The following GLCE variants were observed in gnomAD, a reference collection of about 807,000 sequenced individuals.
The protein encoded by GLCE is glucuronic acid epimerase.
A neutral mutation model predicts 47.9 loss-of-function variants in GLCE; 19 were observed. The observed-to-expected ratio is 0.40, with a 90% CI of 0.28 to 0.58. The LOEUF (loss-of-function observed/expected upper bound fraction) is 0.58. Among genes scored for constraint, GLCE ranks in the 20% least tolerant of loss-of-function variants. The pLI, the probability that GLCE is intolerant of heterozygous loss-of-function variation, is 0.48. For synonymous variants in GLCE, 245 were observed against 263.4 expected (o/e 0.93, Z 0.68); for missense variants, 556 against 743.3 (o/e 0.75, Z 2.93).
At chr15:69,166,599 G>A (rs1285381498) in intron 1 of GLCE, among the ~76,000 whole-genome samples, 3 of 152,150 alleles carry the variant, frequency 2.0e-5, no homozygotes, top group African/African-American at 4.8e-5. Flanking sequence ...TCTTTGTTAA[G>A]CTGGTTGTGA....
chr15:69,187,780 G>A (rs1056954848), intron 1 of GLCE, among the ~76,000 whole-genome samples: 2 of 151,890 alleles, frequency 1.3e-5, no homozygotes, highest in African/African-American at 2.4e-5. Context: ...ACACTACTTG[G>A]GGCCGGCCAT....
At chr15:69,243,023 C>T (rs918001608) in intron 2 of GLCE, among the ~76,000 whole-genome samples, 3 of 141,704 alleles carry the variant, frequency 2.1e-5, no homozygotes, top group Admixed American at 7.3e-5. Context: ...TGGCACTGCA[C>T]TCCAGCCTGG....
intron 1 of GLCE, among the ~76,000 whole-genome samples, chr15:69,182,750 A>G (rs2051768424): frequency 6.6e-6 from 1 of 152,134 alleles, no homozygotes. Context: ...ATCATGCCTC[A>G]TGTGTGTAAT....
chr15:69,231,857 A>G (rs1028984885), intron 2 of GLCE, among the ~76,000 whole-genome samples: 4 of 152,062 alleles, frequency 2.6e-5, no homozygotes, highest in African/African-American at 9.7e-5. Flanking sequence ...CAATGGCATG[A>G]TCTCTGCTCA....
chr15:69,212,606 T>G (rs1352851217), intron 2 of GLCE, among the ~76,000 whole-genome samples: 8 of 152,078 alleles, frequency 5.3e-5, no homozygotes, highest in Non-Finnish European at 8.8e-5. Context: ...AGGACCTGAA[T>G]GGACTTGATT....
chr15:69,218,032 T>C (rs548442080), intron 2 of GLCE, among the ~76,000 whole-genome samples: 21 of 150,580 alleles, frequency 1.4e-4, no homozygotes, highest in African/African-American at 4.9e-4. Context: ...TGCGCACCTG[T>C]AATCGCAGCT....
intron 2 of GLCE, among the ~76,000 whole-genome samples, chr15:69,241,685 C>G (rs577486864): frequency 6.6e-6 from 1 of 152,282 alleles, no homozygotes; most frequent in South Asian, 2.1e-4. Flanking sequence ...ATCTCCTGAC[C>G]AGAAGCATAG....
chr15:69,161,200 C>A (rs1483320276), intron 1 of GLCE, among the ~76,000 whole-genome samples: 1 of 151,792 alleles, frequency 6.6e-6, no homozygotes, highest in African/African-American at 2.4e-5. Flanking sequence ...AGGTTTACAC[C>A]GGTGTAAACC....
intron 1 of GLCE, among the ~76,000 whole-genome samples, chr15:69,188,813 T>G (rs2051870699): frequency 6.6e-6 from 1 of 152,214 alleles, no homozygotes; most frequent in Admixed American, 6.5e-5. Flanking sequence ...GTCTGGCTAG[T>G]GATTTATTAA....
At chr15:69,183,673 G>A (rs2051782298) in intron 1 of GLCE, among the ~76,000 whole-genome samples, 1 of 152,218 alleles carries the variant, frequency 6.6e-6, no homozygotes, top group South Asian at 2.1e-4. Context: ...TTAAAAACCT[G>A]CTGGTAACAA....
At chr15:69,233,802 T>G (rs1373805367) in intron 2 of GLCE, among the ~76,000 whole-genome samples, 1 of 152,184 alleles carries the variant, frequency 6.6e-6, no homozygotes, top group Middle Eastern at 3.2e-3. Context: ...ATTTGAAACC[T>G]AGAGTTTATT....
At chr15:69,167,825 T>G (rs1483270105) in intron 1 of GLCE, among the ~76,000 whole-genome samples, 1 of 141,698 alleles carries the variant, frequency 7.1e-6, no homozygotes, top group Non-Finnish European at 1.5e-5. Flanking sequence ...TGGGAAAAGT[T>G]TTTTTTTTTT....
intron 1 of GLCE, among the ~76,000 whole-genome samples, chr15:69,197,718 G>A (rs1021044561): frequency 6.6e-6 from 1 of 152,150 alleles, no homozygotes; most frequent in Non-Finnish European, 1.5e-5. Context: ...AAGCTTGGTT[G>A]ATATGGATTC....
At chr15:69,215,568 G>C (rs1219532722) in intron 2 of GLCE, among the ~76,000 whole-genome samples, 2 of 143,140 alleles carry the variant, frequency 1.4e-5, no homozygotes, top group Non-Finnish European at 3.1e-5. Flanking sequence ...GTGTGTCTCT[G>C]TGTGTGTGTA....
At chr15:69,205,167 C>A (rs183412497) in intron 1 of GLCE, among the ~76,000 whole-genome samples, 729 of 152,092 alleles carry the variant, frequency 4.8e-3, no homozygotes, top group Non-Finnish European at 7.4e-3. Context: ...TGCTCCCCCC[C>A]ACCCCTCAAT....
chr15:69,263,516 C>T (rs891789163), intron 4 of GLCE, among the ~76,000 whole-genome samples: 2 of 151,588 alleles, frequency 1.3e-5, no homozygotes, highest in African/African-American at 4.8e-5. Context: ...TATGGGTCTG[C>T]AGCATATTTT....
At chr15:69,181,991 GTAGT>G (rs1387853658) in intron 1 of GLCE, among the ~76,000 whole-genome samples, 2 of 151,880 alleles carry the variant, frequency 1.3e-5, no homozygotes, top group Non-Finnish European at 2.9e-5. Context: ...GGGCACAGAC[GTAGT>G]TAGGTAGATG....
intron 1 of GLCE, among the ~76,000 whole-genome samples, chr15:69,175,745 A>G (rs1595736475): frequency 6.6e-6 from 1 of 152,130 alleles, no homozygotes; most frequent in Admixed American, 6.5e-5. Flanking sequence ...CATATCAGAG[A>G]TCTGTTTGCC....
chr15:69,206,670 T>C (rs938981328), intron 1 of GLCE, among the ~76,000 whole-genome samples: 32 of 152,002 alleles, frequency 2.1e-4, no homozygotes, highest in African/African-American at 7.5e-4. Flanking sequence ...GAATACTTCC[T>C]TAATTTCTGG....
Sources: gnomAD v4.1 joint callset for allele counts (sites outside exome capture counted in the v4.1 genomes callset) on GRCh38, gnomAD v4.1.1 for gene constraint, MANE v1.5 for transcripts, NCBI Gene and HGNC (gene_info 2026-07-23, HGNC 2026-07-21) for gene names.